AHCTF1: variants seen among roughly 807,000 people sequenced by gnomAD.
The protein encoded by AHCTF1 is protein ELYS.
AHCTF1 carries 24 observed loss-of-function variants against 248.4 expected under a neutral mutation model. That is an observed-to-expected ratio of 0.10 (90% CI 0.07 to 0.14). The LOEUF is 0.14. AHCTF1 is among the 10% of genes least tolerant of loss of function. The pLI is 1.00. For synonymous variants in AHCTF1, 786 were observed against 929.8 expected (o/e 0.85, Z 2.81); for missense variants, 2,206 against 2,636.2 (o/e 0.84, Z 3.57).
chr1:246,867,512 C>G, intron 25 of AHCTF1, 149 bp downstream of exon 25: 1 of 1,143,222 alleles, frequency 8.7e-7, no homozygotes, highest in Non-Finnish European at 1.2e-6. Flanking sequence ...TTTAAAAATT[C>G]TTCTCAGAAA....
At chr1:246,841,720 T>G (rs927167572) in intron 35 of AHCTF1, among the ~76,000 whole-genome samples, 2 of 152,204 alleles carry the variant, frequency 1.3e-5, no homozygotes, top group African/African-American at 4.8e-5. Flanking sequence ...CTACTTTTTC[T>G]GCAAAAACCA....
chr1:246,926,672 A>G (rs1436672129), intron 1 of AHCTF1, among the ~76,000 whole-genome samples: 1 of 152,078 alleles, frequency 6.6e-6, no homozygotes, highest in African/African-American at 2.4e-5. Flanking sequence ...CCTCACTAAC[A>G]GGGTGAAATC....
At chr1:246,856,822 A>G (rs1250066384) in intron 30 of AHCTF1, among the ~76,000 whole-genome samples, 1 of 152,252 alleles carries the variant, frequency 6.6e-6, no homozygotes, top group African/African-American at 2.4e-5. Flanking sequence ...GGTGACTATC[A>G]TGATACTGAA....
intron 21 of AHCTF1, among the ~76,000 whole-genome samples, chr1:246,883,159 A>C (rs1663575468): frequency 6.6e-6 from 1 of 152,214 alleles, no homozygotes; most frequent in African/African-American, 2.4e-5. Context: ...GAGTCCGGGG[A>C]GAGTGTTAGT....
At chr1:246,868,116 C>G (rs1662149241) in intron 24 of AHCTF1, among the ~76,000 whole-genome samples, 1 of 150,656 alleles carries the variant, frequency 6.6e-6, no homozygotes, top group Non-Finnish European at 1.5e-5. Flanking sequence ...GCATGGCCAC[C>G]AAGCCCGGCT....
intron 1 of AHCTF1, among the ~76,000 whole-genome samples, chr1:246,924,776 TAA>T (rs1315371739): frequency 2.0e-5 from 3 of 152,166 alleles, no homozygotes; most frequent in African/African-American, 7.2e-5. Context: ...TCACAAAACC[TAA>T]AAAGTTATGT....
chr1:246,893,237 A>G (rs1250069112), intron 14 of AHCTF1, among the ~76,000 whole-genome samples: 1 of 152,206 alleles, frequency 6.6e-6, no homozygotes, highest in Non-Finnish European at 1.5e-5. Flanking sequence ...TACAGACTTC[A>G]ATCACACTGA....
chr1:246,931,145 C>T, intron 1 of AHCTF1: 3 of 1,550,146 alleles, frequency 1.9e-6, no homozygotes, highest in East Asian at 2.4e-5. Flanking sequence ...CAGGCCCAAG[C>T]GCATGTGGAA....
chr1:246,846,992 A>C (rs770188590), intron 33 of AHCTF1, among the ~76,000 whole-genome samples: 36 of 152,126 alleles, frequency 2.4e-4, no homozygotes, highest in Non-Finnish European at 4.0e-4. Flanking sequence ...AAGAATATTT[A>C]AGATTAACTG....
chr1:246,929,783 G>A (rs988648568), intron 1 of AHCTF1, among the ~76,000 whole-genome samples: 4 of 152,264 alleles, frequency 2.6e-5, no homozygotes, highest in Non-Finnish European at 5.9e-5. Context: ...GCCGGGCGCG[G>A]TGGCTCACGC....
At chr1:246,917,573 G>A (rs764470769) in intron 2 of AHCTF1, among the ~76,000 whole-genome samples, 9 of 152,178 alleles carry the variant, frequency 5.9e-5, no homozygotes, top group South Asian at 2.1e-4. Flanking sequence ...CCACTCCAAT[G>A]AAGTCATCGT....
intron 29 of AHCTF1, among the ~76,000 whole-genome samples, chr1:246,859,573 A>AT (rs968700025): frequency 7.9e-5 from 12 of 152,008 alleles, no homozygotes; most frequent in East Asian, 7.7e-4. Context: ...CTAAAATAAT[A>AT]TTTTTTTTCT....
intron 29 of AHCTF1, 150 bp from the exon 30 acceptor site, chr1:246,857,964 C>CCTCT: frequency 2.0e-6 from 1 of 493,032 alleles, no homozygotes; most frequent in Non-Finnish European, 3.4e-6. Flanking sequence ...ACACTTTCTT[C>CCTCT]TTTTTTTTTT....
Position 246,867,297 on chromosome 1 carries a change from C to A in AHCTF1, c.3294G>T (p.Leu1098=), listed in dbSNP as rs1662051900. ...TTGGTGTTCCAAAAAATGCCTCAGG[C>A]AGCTCTGGAGCTGGGAGCGAATACA... ...PIVYSLPAPE[L]PEAFFGTPIS... Residue 1098 remains leucine, a synonymous_variant, in exon 26 of 36, where the codon CTG becomes CTT. Coordinates refer to ENST00000648844, the MANE Select transcript of AHCTF1 (RefSeq NM_001323342.2). 1.9e-6 allele frequency: 3 copies of A among 1,604,372 alleles called. No homozygotes were observed. The highest frequency in any genetic ancestry group is 2.6e-6 in the Non-Finnish European group (3 of 1,175,440).
intron 12 of AHCTF1, 114 bp from the exon 13 acceptor site, chr1:246,896,039 A>T (rs1368131481): frequency 5.6e-6 from 4 of 718,032 alleles, no homozygotes; most frequent in Non-Finnish European, 9.5e-6. Flanking sequence ...AGTATGACCC[A>T]TAAGAAGGGC....
Position 246,927,157 on chromosome 1 carries a change from G to A in AHCTF1, c.-8+4421C>T, listed in dbSNP as rs560191260. On this transcript the variant is annotated intron_variant, in intron 1 of 35. Transcript: ENST00000648844. ...CGTGCCACTGCACTCCAGCCTGGGCGACAGAGCGAGACTCTGTCTCAAAAA... is the reference window on the plus strand; with the variant it reads ...CGTGCCACTGCACTCCAGCCTGGGCAACAGAGCGAGACTCTGTCTCAAAAA... 5.3e-5 allele frequency among the ~76,000 whole-genome samples: 8 copies of A among 150,226 alleles called. No homozygotes were observed. The South Asian group carries it at 6.3e-4, about 12-fold the overall frequency.
intron 15 of AHCTF1, 69 bp downstream of exon 15, chr1:246,891,710 G>C: frequency 6.6e-7 from 1 of 1,513,856 alleles, no homozygotes; most frequent in Non-Finnish European, 9.1e-7. Context: ...CATGGGAAAT[G>C]TTATTCGTTT....
intron 2 of AHCTF1, among the ~76,000 whole-genome samples, chr1:246,917,565 A>G (rs1666233645): frequency 6.6e-6 from 1 of 152,092 alleles, no homozygotes; most frequent in Non-Finnish European, 1.5e-5. Flanking sequence ...GTTTTACACC[A>G]CTCCAATGAA....
At chr1:246,875,927 G>T in intron 24 of AHCTF1, 110 bp downstream of exon 24, 2 of 995,092 alleles carry the variant, frequency 2.0e-6, no homozygotes, top group Non-Finnish European at 2.9e-6. Context: ...TCCAAGGCAT[G>T]CCTGTATGTG....
Sources: gnomAD v4.1 joint callset for allele counts (sites outside exome capture counted in the v4.1 genomes callset) on GRCh38, gnomAD v4.1.1 for gene constraint, MANE v1.5 for transcripts, NCBI Gene and HGNC (gene_info 2026-07-23, HGNC 2026-07-21) for gene names.